The following MORC3 variants were observed in gnomAD, a reference collection of about 807,000 sequenced individuals.
MORC3 encodes MORC family CW-type zinc finger 3.
A neutral mutation model predicts 109.1 loss-of-function variants in MORC3; 31 were observed. The observed-to-expected ratio is 0.28, with a 90% CI of 0.21 to 0.38. MORC3 has a LOEUF of 0.38. Ranked by LOEUF, MORC3 falls within the 10% of genes least tolerant of loss-of-function variation. The pLI is 1.00. For missense variants in MORC3, 867 were observed against 1,135.8 expected, an observed-to-expected ratio of 0.76 and a Z score of 3.40; for synonymous variants, 395 against 380.7, an observed-to-expected ratio of 1.04 and a Z score of -0.44.
chr21:36,370,164 CACCA>C (rs1384856379), intron 15 of MORC3, among the ~76,000 whole-genome samples: 1 of 152,144 alleles, frequency 6.6e-6, no homozygotes, highest in African/African-American at 2.4e-5. Flanking sequence ...GCCAAGATTG[CACCA>C]CCACATTCCA....
In MORC3 at chr21:36,337,608, T is replaced by G. The variant is rs1601517071; in HGVS notation, c.246-124T>G. ...AGCTAGGAAGGGTGAGGCCAGTATT[T>G]GAACCCAGGCTTTTTACTTGGTATT... On this transcript the variant is annotated intron_variant, in intron 3 of 16. Coordinates refer to ENST00000400485, the MANE Select transcript of MORC3 (RefSeq NM_015358.3). The G allele has an allele frequency of 6.1e-6, 4 of 656,202 alleles. No individual in the cohort carries two copies. The East Asian group carries it at 1.3e-4, about 22-fold the overall frequency. 40.6% of individuals were successfully genotyped at this position (656,202 alleles called of 1,614,324 possible).
At chr21:36,336,733 T>C in intron 2 of MORC3, 141 bp from the exon 3 acceptor site, 2 of 741,138 alleles carry the variant, frequency 2.7e-6, no homozygotes, top group Non-Finnish European at 4.0e-6. Flanking sequence ...TTAAAATCTT[T>C]AAATTTTAAA....
chr21:36,351,666 T>A (rs1178836542), intron 9 of MORC3, among the ~76,000 whole-genome samples: 2 of 152,250 alleles, frequency 1.3e-5, no homozygotes, highest in Non-Finnish European at 2.9e-5. Flanking sequence ...ATAGTTTTTT[T>A]ATTCATTTAT....
At chr21:36,325,275 G>A (rs999413242) in intron 1 of MORC3, among the ~76,000 whole-genome samples, 1 of 152,170 alleles carries the variant, frequency 6.6e-6, no homozygotes, top group Non-Finnish European at 1.5e-5. Context: ...AAGCCAGGCG[G>A]AATTGCTAAG....
chr21:36,323,088 G>A (rs1465367116), intron 1 of MORC3, among the ~76,000 whole-genome samples: 4 of 152,158 alleles, frequency 2.6e-5, no homozygotes, highest in African/African-American at 7.2e-5. Context: ...CTCTTTTCCA[G>A]ATGGATTCAG....
Position 36,344,932 on chromosome 21 carries a change from C to T in MORC3, c.906C>T (p.Thr302=), listed in dbSNP as rs774473114. 1 of 1,612,168 alleles carries T rather than the reference C, an allele frequency of 6.2e-7. No homozygotes were observed. Among genetic ancestry groups the T allele is most frequent in the Admixed American group, 1.7e-5 (1 of 59,692 alleles). ...PKFLSKTVRI[T]FGFNCRNKDH... is the part of the protein sequence containing the mutation. Reference sequence around the variant, plus strand: ...TTAAGTCTAAAACAGTGAGAATTACCTTTGGATTCAACTGCAGAAATAAAG... The same window carrying T: ...TTAAGTCTAAAACAGTGAGAATTACTTTTGGATTCAACTGCAGAAATAAAG... Residue 302 remains threonine (T), a synonymous_variant, in exon 8 of 17, where the codon ACC becomes ACT. Coordinates refer to ENST00000400485, the MANE Select transcript of MORC3 (RefSeq NM_015358.3).
At chr21:36,365,974 T>C (rs1284167376) in intron 14 of MORC3, among the ~76,000 whole-genome samples, 1 of 152,150 alleles carries the variant, frequency 6.6e-6, no homozygotes, top group African/African-American at 2.4e-5. Context: ...CTCCTTAACA[T>C]TTTTGGCTTT....
At chr21:36,374,247 G>A (rs561775016) in intron 16 of MORC3, among the ~76,000 whole-genome samples, 4 of 152,072 alleles carry the variant, frequency 2.6e-5, no homozygotes, top group East Asian at 1.9e-4. Flanking sequence ...GCGCCACCAC[G>A]CCCAGCTACA....
intron 10 of MORC3, 84 bp downstream of exon 10, chr21:36,356,808 A>G: frequency 1.2e-6 from 1 of 838,498 alleles, no homozygotes; most frequent in Admixed American, 3.0e-5. Context: ...AATGTTTCAC[A>G]AACTTAGGAC....
At chr21:36,370,219 G>A (rs2085839782) in intron 15 of MORC3, among the ~76,000 whole-genome samples, 1 of 152,116 alleles carries the variant, frequency 6.6e-6, no homozygotes, top group Admixed American at 6.6e-5. Context: ...AAAAAAAGCT[G>A]CCAATTGCTT....
At chr21:36,357,776 T>C (rs768140117) in intron 10 of MORC3, among the ~76,000 whole-genome samples, 45 of 149,578 alleles carry the variant, frequency 3.0e-4, no homozygotes, top group Non-Finnish European at 5.8e-4. Flanking sequence ...AGTCTCACTC[T>C]GTCACCCAGG....
In MORC3 at chr21:36,356,672, A is replaced by G; in HGVS notation, c.1156A>G (p.Lys386Glu). Residue 386 changes from lysine to glutamate, a missense_variant, in exon 10 of 17, where the codon AAA becomes GAA. Lys to Glu is a moderately conservative substitution (Grantham distance 56). Around this residue, in one of 7 missense-constraint regions of MORC3, gnomAD observed 120 missense variants for 259.7 expected, o/e 0.46. Coordinates refer to ENST00000400485, the MANE Select transcript of MORC3 (RefSeq NM_015358.3). ...EKLNDYWNEM[K>E]VKKNTEYPLN... ...GCTGAATGATTACTGGAATGAAATG[A>G]AAGTGAAGAAAAATACAGAATATCC... The G allele has an allele frequency of 6.2e-7, 1 of 1,608,876 alleles. No homozygotes were observed. Among genetic ancestry groups the G allele is most frequent in the Non-Finnish European group, 8.5e-7 (1 of 1,177,772 alleles).
intron 14 of MORC3, among the ~76,000 whole-genome samples, chr21:36,366,128 C>T (rs764860666): frequency 3.9e-5 from 6 of 152,146 alleles, no homozygotes; most frequent in South Asian, 2.1e-4. Context: ...ATGATACCAT[C>T]GCCCAGCTAT....
intron 5 of MORC3, 41 bp downstream of exon 5, chr21:36,338,962 T>C (rs753722843): frequency 1.2e-6 from 2 of 1,600,686 alleles, no homozygotes; most frequent in East Asian, 2.2e-5. Flanking sequence ...GGAAGTAAAG[T>C]GCACGTGCAG....
intron 15 of MORC3, among the ~76,000 whole-genome samples, chr21:36,370,915 C>T (rs1402412114): frequency 1.3e-5 from 2 of 151,966 alleles, no homozygotes; most frequent in Non-Finnish European, 2.9e-5. Flanking sequence ...GTGATCCACC[C>T]ATCTTGGCCT....
At chr21:36,359,916 A>G (rs534527802) in intron 10 of MORC3, 39 bp from the exon 11 acceptor site, 14 of 1,611,196 alleles carry the variant, frequency 8.7e-6, no homozygotes, top group Admixed American at 1.7e-5. Context: ...TTTAGAGTCC[A>G]TATTTCTGTG....
chr21:36,338,874 T>C lies in MORC3; in HGVS notation c.561T>C (p.Ala187=), dbSNP rs1468439965. Residue 187 remains alanine (A), a synonymous_variant, in exon 5 of 17, where the codon GCT becomes GCC. Coordinates refer to ENST00000400485, the MANE Select transcript of MORC3 (RefSeq NM_015358.3). ...AGAAGTTACTGGCAGAACTTGATGC[T>C]ATTATAGGCAAGAAGGGGACGAGGA... is the stretch of plus-strand genomic sequence containing the variant. The part of the protein sequence containing the change: ...TEQKLLAELD[A]IIGKKGTRII... The C allele has an allele frequency of 6.2e-7, 1 of 1,614,138 alleles. No homozygotes were observed.
At chr21:36,326,991 T>C (rs1422410879) in intron 1 of MORC3, among the ~76,000 whole-genome samples, 1 of 151,628 alleles carries the variant, frequency 6.6e-6, no homozygotes, top group African/African-American at 2.4e-5. Context: ...AATTTTCGTA[T>C]TTTTAGTAGA....
Position 36,369,752 on chromosome 21 carries a change from C to T in MORC3, c.2384C>T (p.Ala795Val), listed in dbSNP as rs2085832357. The T allele has an allele frequency of 6.2e-7, 1 of 1,613,994 alleles. No individual in the cohort carries two copies. The highest frequency in any genetic ancestry group is 1.1e-5 in the South Asian group (1 of 91,082). The change falls in exon 15 of 17, where the codon GCT (alanine) becomes GTT (valine). Residue 795 changes from alanine (A) to valine (V), a missense_variant. Transcript: ENST00000400485. ...TGTAGTGCTTTGCAACATGTAAAGG[C>T]TGAATGCAGCCAGTGTTCCAATAAT... ...KQCSALQHVK[A>V]ECSQCSNNES...
Sources: allele counts gnomAD v4.1 joint callset (sites outside exome capture counted in the v4.1 genomes callset), GRCh38; gene constraint gnomAD v4.1.1; regional missense constraint gnomAD v4.1.1; transcripts MANE v1.5; gene names NCBI Gene and HGNC (gene_info 2026-07-23, HGNC 2026-07-21).